Variants in SGCZ observed in about 807,000 individuals in gnomAD.
The protein encoded by SGCZ is sarcoglycan zeta.
In SGCZ, 40 loss-of-function variants were observed where a neutral mutation model predicts 41.3. The observed-to-expected ratio is 0.97, with a 90% CI of 0.75 to 1.26. SGCZ has a LOEUF of 1.26. SGCZ is among the 50% of genes most tolerant of loss of function. The probability of loss-of-function intolerance (pLI) is 0.00; values close to 1 mark genes in which losing one functional copy is unlikely to be tolerated. For synonymous variants in SGCZ, 206 were observed against 137.5 expected, an observed-to-expected ratio of 1.50 and a Z score of -3.49; for missense variants, 552 against 369.8, an observed-to-expected ratio of 1.49 and a Z score of -4.04.
chr8:14,146,271 G>A (rs1001926944), intron 5 of SGCZ, among the ~76,000 whole-genome samples: 1 of 152,202 alleles, frequency 6.6e-6, no homozygotes, highest in African/African-American at 2.4e-5. Context: ...CAGGCTGGGA[G>A]AGAGTGGTAT....
At chr8:14,813,503 A>G (rs1801798322) in intron 1 of SGCZ, among the ~76,000 whole-genome samples, 1 of 152,206 alleles carries the variant, frequency 6.6e-6, no homozygotes, top group African/African-American at 2.4e-5. Flanking sequence ...TATTTTGTTC[A>G]ATAAAATGAA....
intron 2 of SGCZ, among the ~76,000 whole-genome samples, chr8:14,548,431 A>G (rs979773375): frequency 3.9e-5 from 6 of 152,180 alleles, no homozygotes; most frequent in African/African-American, 1.4e-4. Flanking sequence ...AATTCATTTT[A>G]TGTTCTTAAA....
chr8:14,492,192 C>G (rs1356053404), intron 2 of SGCZ, among the ~76,000 whole-genome samples: 1 of 152,060 alleles, frequency 6.6e-6, no homozygotes, highest in Non-Finnish European at 1.5e-5. Context: ...TAACATGAAT[C>G]CACCAGCAGT....
At chr8:14,192,492 A>G (rs1278435575) in intron 4 of SGCZ, among the ~76,000 whole-genome samples, 1 of 151,926 alleles carries the variant, frequency 6.6e-6, no homozygotes, top group Non-Finnish European at 1.5e-5. Context: ...GTTATCTCCC[A>G]GAATTATTTT....
intron 1 of SGCZ, among the ~76,000 whole-genome samples, chr8:14,637,272 C>G (rs1806862199): frequency 6.6e-6 from 1 of 151,582 alleles, no homozygotes; most frequent in East Asian, 2.0e-4. Flanking sequence ...TCATTATGTT[C>G]TCTAAAACTG....
chr8:14,846,209 T>C (rs1803095356), intron 1 of SGCZ, among the ~76,000 whole-genome samples: 1 of 152,166 alleles, frequency 6.6e-6, no homozygotes, highest in African/African-American at 2.4e-5. Flanking sequence ...TGGAATGCTG[T>C]ATCCACTAAA....
intron 1 of SGCZ, among the ~76,000 whole-genome samples, chr8:15,003,047 C>CT (rs1802483348): frequency 6.6e-6 from 1 of 152,002 alleles, no homozygotes; most frequent in Non-Finnish European, 1.5e-5. Context: ...CACTTTTCGC[C>CT]GTGATTGTGA....
chr8:14,626,649 A>G (rs912975808), intron 1 of SGCZ, among the ~76,000 whole-genome samples: 7 of 152,160 alleles, frequency 4.6e-5, no homozygotes, highest in Non-Finnish European at 7.3e-5. Flanking sequence ...CATGAAGATG[A>G]AGACACAGGG....
At position 15,065,611 on chromosome 8, in the gene SGCZ, G is replaced by A. The variant is rs545431063; in HGVS notation, c.39+171974C>T. 2.0e-5 allele frequency among the ~76,000 whole-genome samples: 3 copies of A among 151,842 alleles called. No individual in the cohort carries two copies. In the South Asian group the frequency reaches 6.2e-4, roughly 32 times the overall value. ...AGGGGTGCACCCAGCTAACGTTTTT[G>A]TATTTTCGGTAGAGACAGGGTTTTG... On this transcript the variant is annotated intron_variant, in intron 1 of 7. Coordinates refer to ENST00000382080, the MANE Select transcript of SGCZ (RefSeq NM_139167.4).
chr8:14,213,878 T>C (rs995334147), intron 4 of SGCZ, among the ~76,000 whole-genome samples: 2 of 152,160 alleles, frequency 1.3e-5, no homozygotes, highest in South Asian at 4.1e-4. Context: ...GTAATATATG[T>C]ACATACTAGT....
Position 14,087,321 on chromosome 8 carries a change from T to C in SGCZ, c.*3122A>G, listed in dbSNP as rs953630442. Among the ~76,000 whole-genome samples the C allele has an allele frequency of 6.6e-6, 1 of 151,618 alleles. No homozygotes were observed. The highest frequency in any genetic ancestry group is 1.5e-5 in the Non-Finnish European group (1 of 67,716). ...GTTCTTGCTGTTTTTTTTTGAAGTA[T>C]TTAATTGAAATCTTCTGAAAAAGAA... On this transcript the variant is annotated 3_prime_UTR_variant, in exon 8 of 8. Transcript: ENST00000382080.
chr8:14,841,971 G>A (rs1563308482), intron 1 of SGCZ, among the ~76,000 whole-genome samples: 1 of 152,116 alleles, frequency 6.6e-6, no homozygotes, highest in Non-Finnish European at 1.5e-5. Context: ...TTCAGTACAG[G>A]ACTGAATTAT....
At chr8:14,490,059 G>T (rs1801799561) in intron 2 of SGCZ, among the ~76,000 whole-genome samples, 6 of 151,802 alleles carry the variant, frequency 4.0e-5, no homozygotes, top group Admixed American at 3.9e-4. Flanking sequence ...GTATATATGA[G>T]GTTTCACCAT....
At chr8:14,107,929 C>A (rs1032976786) in intron 6 of SGCZ, among the ~76,000 whole-genome samples, 1 of 152,154 alleles carries the variant, frequency 6.6e-6, no homozygotes, top group African/African-American at 2.4e-5. Context: ...AGGTGTGAGC[C>A]ACCGTGCCCG....
At chr8:14,136,904 C>T (rs13254246) in intron 5 of SGCZ, among the ~76,000 whole-genome samples, 49,624 of 152,104 alleles carry the variant, frequency 0.33, 10,409 homozygotes, top group Non-Finnish European at 0.47. Flanking sequence ...CCAGAAGGGC[C>T]GACTGACACC....
chr8:14,978,012 C>A (rs960932221), intron 1 of SGCZ, among the ~76,000 whole-genome samples: 30 of 151,816 alleles, frequency 2.0e-4, no homozygotes, highest in Non-Finnish European at 2.9e-5. Flanking sequence ...ATGCTATCAT[C>A]TTTTGTCCTC....
At chr8:14,347,474 T>G (rs1802928876) in intron 2 of SGCZ, among the ~76,000 whole-genome samples, 1 of 152,112 alleles carries the variant, frequency 6.6e-6, no homozygotes, top group South Asian at 2.1e-4. Flanking sequence ...ATTGTGTGAC[T>G]TTTCTTTTCA....
At chr8:15,234,318 T>C (rs1161064742) in intron 1 of SGCZ, among the ~76,000 whole-genome samples, 1 of 152,210 alleles carries the variant, frequency 6.6e-6, no homozygotes, top group African/African-American at 2.4e-5. Context: ...TCAATATTCA[T>C]TAACACCCAC....
At chr8:14,870,089 A>G (rs1804091009) in intron 1 of SGCZ, among the ~76,000 whole-genome samples, 1 of 152,220 alleles carries the variant, frequency 6.6e-6, no homozygotes. Context: ...TTTAAATTTC[A>G]TATGGAACCA....
Sources: allele counts gnomAD v4.1 joint callset (sites outside exome capture counted in the v4.1 genomes callset), GRCh38; gene constraint gnomAD v4.1.1; transcripts MANE v1.5; gene names NCBI Gene and HGNC (gene_info 2026-07-23, HGNC 2026-07-21).